MEGF6: variants seen among roughly 807,000 people sequenced by gnomAD.
The protein encoded by MEGF6 is multiple EGF like domains 6.
A neutral mutation model predicts 207.1 loss-of-function variants in MEGF6; 184 were observed. That is an observed-to-expected ratio of 0.89 (90% CI 0.79 to 1.00). The LOEUF (loss-of-function observed/expected upper bound fraction) is 1.00, where lower values mean the gene tolerates loss of function less well. Ranked by LOEUF, MEGF6 falls within the 50% of genes least tolerant of loss-of-function variation. The pLI is 0.00. For missense variants in MEGF6, 2,282 were observed against 2,202.9 expected, an observed-to-expected ratio of 1.04 and a Z score of -0.72; for synonymous variants, 1,038 against 910.0, an observed-to-expected ratio of 1.14 and a Z score of -2.53.
intron 4 of MEGF6, among the ~76,000 whole-genome samples, chr1:3,564,011 G>A (rs1206115594): frequency 1.3e-5 from 2 of 152,184 alleles, no homozygotes; most frequent in Non-Finnish European, 2.9e-5. Context: ...AGGGATAATT[G>A]GAAGGACAGC....
chr1:3,514,492 A>G, intron 7 of MEGF6, 58 bp downstream of exon 7: 4 of 1,527,354 alleles, frequency 2.6e-6, no homozygotes, highest in Non-Finnish European at 2.6e-6. Context: ...GTCCCTCCAC[A>G]GCACCTGGGT....
rs769079834 is a variant in MEGF6, at chr1:3,509,154, T to C, written c.1449A>G (p.Gln483=). 15 of 1,586,086 alleles carry C rather than the reference T, an allele frequency of 9.5e-6. No individual in the cohort carries two copies. Among genetic ancestry groups the C allele is most frequent in the East Asian group, 7.0e-5 (3 of 43,112 alleles). ...CCCCGACGTCGTCATCCTGGAAGAG[T>C]TGCGGCAGCTCGTCCTGGAGCACGG... ...HIAVLQDELP[Q]LFQDDDVGAD... The change falls in exon 12 of 37, where the codon CAA becomes CAG. Residue 483 remains glutamine, a synonymous_variant. Coordinates refer to ENST00000356575, the MANE Select transcript of MEGF6 (RefSeq NM_001409.4).
In MEGF6 at chr1:3,496,783, CCTGCAGGGAGAGGGGCTAG is replaced by C. The variant is rs746956560; in HGVS notation, c.3614-19_3614-1del. The C allele has an allele frequency of 8.2e-5, 128 of 1,555,506 alleles. No individual in the cohort carries two copies. In the African/African-American group the frequency reaches 1.7e-3, roughly 20 times the overall value. On this transcript the variant is annotated splice_acceptor_variant and splice_polypyrimidine_tract_variant and intron_variant, in intron 28 of 36. Transcript: ENST00000356575. LOFTEE classifies it high-confidence loss of function. ...TGGCCCATACCGCCCGGGCGGACAT[CCTGCAGGGAGAGGGGCTAG>C]CTGCAGGGGCTGGGGCTGGAGGCTT...
chr1:3,616,191 TAATCCTTCCAGAGCTGAGAG>T (rs1169296447), upstream of MEGF6, among the ~76,000 whole-genome samples: 11 of 152,164 alleles, frequency 7.2e-5, no homozygotes, highest in Non-Finnish European at 1.3e-4. Flanking sequence ...AGCCTGACTT[TAATCCTTCCAGAGCTGAGAG>T]TCCCACAGAG....
chr1:3,504,386 C>A (rs1335766983), intron 17 of MEGF6, among the ~76,000 whole-genome samples: 1 of 152,072 alleles, frequency 6.6e-6, no homozygotes, highest in Non-Finnish European at 1.5e-5. Context: ...CGGGTATTTC[C>A]TATCCTGGTC....
At chr1:3,574,831 C>CG (rs1232716605) in intron 4 of MEGF6, among the ~76,000 whole-genome samples, 2 of 152,098 alleles carry the variant, frequency 1.3e-5, no homozygotes, top group Non-Finnish European at 2.9e-5. Flanking sequence ...TTGGTAGAGA[C>CG]GGGGTTTCAC....
At chr1:3,541,336 C>T (rs1642510518) in intron 4 of MEGF6, among the ~76,000 whole-genome samples, 1 of 152,214 alleles carries the variant, frequency 6.6e-6, no homozygotes, top group African/African-American at 2.4e-5. Flanking sequence ...AGCACATCGT[C>T]CCAGGAAGCA....
At chr1:3,604,957 C>T (rs1401093557) in intron 1 of MEGF6, among the ~76,000 whole-genome samples, 1 of 152,072 alleles carries the variant, frequency 6.6e-6, no homozygotes, top group East Asian at 1.9e-4. Flanking sequence ...GGGGGATGGT[C>T]TCACAGCCCC....
intron 1 of MEGF6, among the ~76,000 whole-genome samples, chr1:3,604,033 C>T (rs534238754): frequency 2.6e-4 from 40 of 152,322 alleles, no homozygotes; most frequent in South Asian, 1.4e-3. Context: ...CCTCACCAGC[C>T]GGGACAGCAG....
intron 4 of MEGF6, chr1:3,547,006 G>A (rs1375890770): frequency 5.9e-6 from 1 of 168,432 alleles, no homozygotes; most frequent in African/African-American, 2.4e-5. Context: ...ACCTTGGCAA[G>A]TCTCGCCATC....
At chr1:3,548,937 A>G (rs1271609677) in intron 4 of MEGF6, among the ~76,000 whole-genome samples, 1 of 152,082 alleles carries the variant, frequency 6.6e-6, no homozygotes, top group Non-Finnish European at 1.5e-5. Flanking sequence ...AGGGTCTGGC[A>G]CTCAGGACAG....
rs144505098 is a variant in MEGF6 at position 3,543,913 on chromosome 1, G to A, written c.482-19667C>T. On this transcript the variant is annotated intron_variant, in intron 4 of 36. Coordinates refer to ENST00000356575, the MANE Select transcript of MEGF6 (RefSeq NM_001409.4). ...CCTGCCGTGCCTGGACGCCCAGCCCGCGTCAGCCCTGGAGGGGCATAAACA... is the reference window on the plus strand; with the variant it reads ...CCTGCCGTGCCTGGACGCCCAGCCCACGTCAGCCCTGGAGGGGCATAAACA... Among the ~76,000 whole-genome samples, 8 of 152,338 alleles carry A rather than the reference G, an allele frequency of 5.3e-5. No homozygotes were observed. In the East Asian group the frequency reaches 9.7e-4, roughly 18 times the overall value.
At chr1:3,605,645 C>G (rs916920371) in intron 1 of MEGF6, among the ~76,000 whole-genome samples, 3 of 146,078 alleles carry the variant, frequency 2.1e-5, no homozygotes, top group Admixed American at 7.0e-5. Context: ...CTTCTGTACT[C>G]TCACGCATGC....
rs77366893 is a variant in MEGF6, at chr1:3,488,911, A to T, written c.*1617T>A. 6.6e-6 allele frequency among the ~76,000 whole-genome samples: 1 copy of T among 152,054 alleles called. No homozygotes were observed. The stretch of plus-strand genomic sequence containing the variant: ...CGTTGCTTCATGTCAATGACTTCTT[A>T]CTTTTGTATTTTGCAGTTAGATGGA... On this transcript the variant is annotated 3_prime_UTR_variant, in exon 37 of 37. Transcript: ENST00000356575.
Position 3,594,931 on chromosome 1 carries a change from C to T in MEGF6, c.376+407G>A, listed in dbSNP as rs1038185119. Among the ~76,000 whole-genome samples the T allele has an allele frequency of 2.6e-5, 4 of 151,702 alleles. No homozygotes were observed. The highest frequency in any genetic ancestry group is 2.0e-4 in the Admixed American group (3 of 15,254). Reference sequence around the variant, plus strand: ...GGCCCGGATTGGCCTTGGGAGAACACGGTATAGGGAAACAGGGCAGGGAGA... The same window carrying T: ...GGCCCGGATTGGCCTTGGGAGAACATGGTATAGGGAAACAGGGCAGGGAGA... On this transcript the variant is annotated intron_variant, in intron 3 of 36. Transcript: ENST00000356575. This position sits in a 1 kb window ranked among gnomAD's most constrained non-coding sequence, Gnocchi z 4.2.
intron 3 of MEGF6, 49 bp from the exon 4 acceptor site, chr1:3,579,978 CA>C: frequency 7.3e-7 from 1 of 1,368,476 alleles, no homozygotes; most frequent in Non-Finnish European, 9.8e-7. Context: ...AGGGGTGAGG[CA>C]GGGGGAGGTG....
chr1:3,505,388 G>GCTGC (rs1553192305), intron 16 of MEGF6, 34 bp downstream of exon 16: 1 of 1,565,968 alleles, frequency 6.4e-7, no homozygotes, highest in African/African-American at 1.6e-5. Context: ...CGACCCTGGC[G>GCTGC]CCCCCCGCCC....
At chr1:3,530,149 C>T (rs181419021) in intron 4 of MEGF6, among the ~76,000 whole-genome samples, 70 of 152,358 alleles carry the variant, frequency 4.6e-4, no homozygotes, top group African/African-American at 1.5e-3. Context: ...GCTGAGCCGC[C>T]CAGCCGGAAG....
At chr1:3,537,614 C>G (rs554238357) in intron 4 of MEGF6, among the ~76,000 whole-genome samples, 1 of 152,256 alleles carries the variant, frequency 6.6e-6, no homozygotes, top group African/African-American at 2.4e-5. Flanking sequence ...CCCGCTCCCA[C>G]GGAAGGCGGG....
Sources: gnomAD v4.1 joint callset for allele counts (sites outside exome capture counted in the v4.1 genomes callset) on GRCh38, gnomAD v4.1.1 for gene constraint, Gnocchi (gnomAD v3.1) non-coding constraint, MANE v1.5 for transcripts, NCBI Gene and HGNC (gene_info 2026-07-23, HGNC 2026-07-21) for gene names.